SEMA5B: variants seen among roughly 807,000 people sequenced by gnomAD.
The protein encoded by SEMA5B is semaphorin-5B.
In SEMA5B, 66 loss-of-function variants were observed where a neutral mutation model predicts 135.0. That is an observed-to-expected ratio of 0.49 (90% confidence interval 0.40 to 0.60). SEMA5B has a LOEUF of 0.60. Among genes scored for constraint, SEMA5B ranks in the 20% least tolerant of loss-of-function variants. The probability of loss-of-function intolerance (pLI) is 0.00; values close to 1 mark genes in which losing one functional copy is unlikely to be tolerated. For missense variants in SEMA5B, 1,501 were observed against 1,566.3 expected, an observed-to-expected ratio of 0.96 and a Z score of 0.70; for synonymous variants, 690 against 639.5, an observed-to-expected ratio of 1.08 and a Z score of -1.19.
rs779669362 is a variant in SEMA5B, at chr3:122,911,926, T to C, written c.3040A>G (p.Ile1014Val). The change falls in exon 20 of 23, where the codon ATT becomes GTT. Residue 1014 changes from isoleucine to valine, a missense_variant. Coordinates refer to ENST00000357599, the MANE Select transcript of SEMA5B (RefSeq NM_001031702.4). Reference protein sequence around the residue: ...SQSRPCPYSEIPVILPASSME... With the variant: ...SQSRPCPYSEVPVILPASSME... Reference sequence around the variant, plus strand: ...TGCTGGCAGGGGTACCTACCGGGAATCTCGCTGTAGGGGCAGGGGCGGCTC... The same window carrying C: ...TGCTGGCAGGGGTACCTACCGGGAACCTCGCTGTAGGGGCAGGGGCGGCTC... The C allele has an allele frequency of 1.7e-5, 27 of 1,596,860 alleles. 1 individual carries two copies. In the South Asian group the frequency reaches 2.7e-4, roughly 16 times the overall value.
intron 1 of SEMA5B, among the ~76,000 whole-genome samples, chr3:122,978,674 G>A (rs868754112): frequency 2.6e-5 from 4 of 152,096 alleles, no homozygotes; most frequent in African/African-American, 4.8e-5. Context: ...AGACCCCTCC[G>A]CTGGGCAGCC....
intron 1 of SEMA5B, among the ~76,000 whole-genome samples, chr3:123,022,181 C>T (rs1413812678): frequency 1.3e-5 from 2 of 152,200 alleles, no homozygotes; most frequent in Admixed American, 6.5e-5. Flanking sequence ...GCAGAAAAGC[C>T]TCCCTCATTT....
chr3:122,912,065 G>C lies in SEMA5B; in HGVS notation c.2901C>G (p.Gly967=). Residue 967 remains glycine (G), a synonymous_variant, in exon 20 of 23, where the codon GGC becomes GGG. Transcript: ENST00000357599. ...ALCATQACPE[G]WSPWSEWSKC... ...TACTCCACTCAGACCAGGGCGACCA[G>C]CCTTCTGGGGATTGTGGGTAGGATG... The C allele has an allele frequency of 6.2e-7, 1 of 1,609,474 alleles. No individual in the cohort carries two copies. The highest frequency in any genetic ancestry group is 8.5e-7 in the Non-Finnish European group (1 of 1,176,484).
chr3:122,911,321 G>C (rs1197879876), intron 21 of SEMA5B, 170 bp downstream of exon 21: 10 of 1,516,574 alleles, frequency 6.6e-6, no homozygotes, highest in Admixed American at 2.0e-5. Flanking sequence ...TCCTAGCTGG[G>C]GGGGGCATGG....
chr3:122,926,486 G>A lies in SEMA5B; in HGVS notation c.1042C>T (p.Arg348Cys), dbSNP rs1308625437. ...TFMKARLNCS[R>C]PGEVPFYYNE... ...TAGTAGAAGGGGACCTCGCCCGGGC[G>A]GGAGCAGTTGAGCCGGGCCTTCATG... is the stretch of plus-strand genomic sequence containing the variant. The change falls in exon 9 of 23, where the codon CGC becomes TGC. Residue 348 changes from arginine (R) to cysteine (C), a missense_variant. Transcript: ENST00000357599. The A allele has an allele frequency of 1.9e-6, 3 of 1,614,224 alleles. No individual in the cohort carries two copies. Among genetic ancestry groups the A allele is most frequent in the African/African-American group, 1.3e-5 (1 of 75,062 alleles).
chr3:122,937,222 G>T (rs1405786739), intron 5 of SEMA5B, among the ~76,000 whole-genome samples: 2 of 152,234 alleles, frequency 1.3e-5, no homozygotes, highest in Non-Finnish European at 2.9e-5. Context: ...ACTGGTGACA[G>T]CAGACACTGA....
Position 122,928,598 on chromosome 3 carries a change from G to A in SEMA5B, c.555C>T (p.Tyr185=), listed in dbSNP as rs1444317023. The part of the protein sequence containing the change: ...KGKTEEECQN[Y]VRVLIVAGRK... Reference sequence around the variant, plus strand: ...GGCCGGCGACGATCAGGACTCGCACGTAGTTCTGACACTCCTCCTGAGGCA... The same window carrying A: ...GGCCGGCGACGATCAGGACTCGCACATAGTTCTGACACTCCTCCTGAGGCA... Residue 185 remains tyrosine (Y), a synonymous_variant, in exon 7 of 23, where the codon TAC becomes TAT. Coordinates refer to ENST00000357599, the MANE Select transcript of SEMA5B (RefSeq NM_001031702.4). The A allele has an allele frequency of 1.2e-5, 19 of 1,557,208 alleles. No individual in the cohort carries two copies. Among genetic ancestry groups the A allele is most frequent in the Non-Finnish European group, 1.4e-5 (16 of 1,149,856 alleles).
chr3:122,946,403 A>C (rs1414269901), intron 3 of SEMA5B, among the ~76,000 whole-genome samples: 1 of 152,004 alleles, frequency 6.6e-6, no homozygotes, highest in Non-Finnish European at 1.5e-5. Context: ...GGGGAGAGGG[A>C]AACTCACAGT....
intron 1 of SEMA5B, among the ~76,000 whole-genome samples, chr3:123,015,842 C>T (rs1043060033): frequency 1.3e-5 from 2 of 152,186 alleles, no homozygotes; most frequent in Admixed American, 1.3e-4. Flanking sequence ...AAAGAGGGTC[C>T]ACTCACATTC....
rs371241065 is a variant in SEMA5B at position 122,997,415 on chromosome 3, C to T, written c.-39+30049G>A. 5.9e-5 allele frequency among the ~76,000 whole-genome samples: 9 copies of T among 152,064 alleles called. No individual in the cohort carries two copies. The East Asian group carries it at 1.4e-3, about 23-fold the overall frequency. Reference sequence around the variant, plus strand: ...GCCCCTCTCCAGAAGATTTTCTCTACTCCAGACCCGCCTGAGGTCAGAGCT... The same window carrying T: ...GCCCCTCTCCAGAAGATTTTCTCTATTCCAGACCCGCCTGAGGTCAGAGCT... On this transcript the variant is annotated intron_variant, in intron 1 of 22. Coordinates refer to ENST00000357599, the MANE Select transcript of SEMA5B (RefSeq NM_001031702.4).
At chr3:122,941,685 A>G (rs1373749477) in intron 4 of SEMA5B, among the ~76,000 whole-genome samples, 1 of 152,262 alleles carries the variant, frequency 6.6e-6, no homozygotes, top group Non-Finnish European at 1.5e-5. Context: ...ATGCTTTCAC[A>G]AGGTTCAGAG....
intron 1 of SEMA5B, among the ~76,000 whole-genome samples, chr3:123,024,963 T>G (rs1161459621): frequency 1.3e-5 from 2 of 152,188 alleles, no homozygotes; most frequent in African/African-American, 4.8e-5. Context: ...GAATTTGTGC[T>G]TCCCCTGACA....
At chr3:123,026,348 G>T (rs1398912244) in intron 1 of SEMA5B, among the ~76,000 whole-genome samples, 1 of 152,084 alleles carries the variant, frequency 6.6e-6, no homozygotes, top group Non-Finnish European at 1.5e-5. Flanking sequence ...GCAGGGGTGC[G>T]GGCAGAATCC....
chr3:123,009,210 C>G (rs79385550), intron 1 of SEMA5B, among the ~76,000 whole-genome samples: 1 of 152,124 alleles, frequency 6.6e-6, no homozygotes, highest in African/African-American at 2.4e-5. Flanking sequence ...CCACTCTCCA[C>G]TCTCTGGAGA....
rs543154341 is a variant in SEMA5B at position 122,941,456 on chromosome 3, C to T, written c.428+1980G>A. Among the ~76,000 whole-genome samples, 5 of 152,346 alleles carry T rather than the reference C, an allele frequency of 3.3e-5. No homozygotes were observed. The East Asian group carries it at 9.6e-4, about 29-fold the overall frequency. On this transcript the variant is annotated intron_variant, in intron 4 of 22. Coordinates refer to ENST00000357599, the MANE Select transcript of SEMA5B (RefSeq NM_001031702.4). ...ACATAACCTCTCTGAGCTTCAGTTT[C>T]CTGGTCCATAAAATGGGGGTACATA...
chr3:122,999,867 G>A (rs1289305881), intron 1 of SEMA5B, among the ~76,000 whole-genome samples: 5 of 152,108 alleles, frequency 3.3e-5, no homozygotes, highest in Non-Finnish European at 7.4e-5. Context: ...ACAGCTATGG[G>A]GACAGAGAGA....
Position 122,914,008 on chromosome 3 carries a change from G to A in SEMA5B, c.1989-7C>T, listed in dbSNP as rs772113327. The A allele has an allele frequency of 1.3e-6, 2 of 1,574,872 alleles. No individual in the cohort carries two copies. Among genetic ancestry groups the A allele is most frequent in the South Asian group, 2.3e-5 (2 of 87,246 alleles). The stretch of plus-strand genomic sequence containing the variant: ...CGGGGTCCACGCCCCATTCCTGGCG[G>A]GGTGGGAGGGGACAGAGACAGATGC... On this transcript the variant is annotated splice_region_variant and splice_polypyrimidine_tract_variant and intron_variant, in intron 14 of 22. Coordinates refer to ENST00000357599, the MANE Select transcript of SEMA5B (RefSeq NM_001031702.4).
intron 3 of SEMA5B, 69 bp from the exon 4 acceptor site, chr3:122,943,604 C>A: frequency 1.7e-6 from 2 of 1,183,320 alleles, no homozygotes; most frequent in East Asian, 2.4e-5. Flanking sequence ...CGCAGCAGAC[C>A]ACAGAACAGA....
At position 122,923,741 on chromosome 3, in the gene SEMA5B, G is replaced by A. The variant is rs78693594; in HGVS notation, c.1148C>T (p.Ala383Val). 2.5e-5 allele frequency: 40 copies of A among 1,614,092 alleles called. No individual in the cohort carries two copies. The African/African-American group carries it at 3.2e-4, about 13-fold the overall frequency. Reference sequence around the variant, plus strand: ...GTTGAAGGCGCAGACAGCAGAAGCCGCGATGCTGTTTCTGAAAGGCAAGAA... The same window carrying A: ...GTTGAAGGCGCAGACAGCAGAAGCCACGATGCTGTTTCTGAAAGGCAAGAA... ...GVFTTNVNSI[A>V]ASAVCAFNLS... The change falls in exon 10 of 23, where the codon GCG becomes GTG. Residue 383 changes from alanine to valine, a missense_variant. This residue lies in a region of SEMA5B where 574 missense variants were observed against 684.7 expected (regional missense o/e 0.84). Transcript: ENST00000357599.
Sources: gnomAD v4.1 joint callset for allele counts (sites outside exome capture counted in the v4.1 genomes callset) on GRCh38, gnomAD v4.1.1 for gene constraint, gnomAD v4.1.1 regional missense constraint, MANE v1.5 for transcripts, NCBI Gene and HGNC (gene_info 2026-07-23, HGNC 2026-07-21) for gene names.